Variants in H2AZ2 observed in about 807,000 individuals in gnomAD.
The protein encoded by H2AZ2 is H2A.Z variant histone 2, also known as histone H2A.V.
In H2AZ2, 5 loss-of-function variants were observed where a neutral mutation model predicts 15.5. The ratio of observed to expected loss-of-function variants is 0.32; its 90% CI spans 0.17 to 0.68. The LOEUF is 0.68. H2AZ2 is among the 30% of genes least tolerant of loss of function. The pLI, the probability that H2AZ2 is intolerant of heterozygous loss-of-function variation, is 0.72. For synonymous variants in H2AZ2, 44 were observed against 57.4 expected (o/e 0.77, Z 1.05); for missense variants, 42 against 162.5 (o/e 0.26, Z 4.03).
At chr7:44,831,544 CT>C (rs1170228369), downstream of H2AZ2, among the ~76,000 whole-genome samples, 2 of 144,104 alleles carry the variant, frequency 1.4e-5, no homozygotes. Flanking sequence ...CCCCCCGCTT[CT>C]TTTTTTTCAA....
At chr7:44,847,864 A>G in intron 1 of H2AZ2, 105 bp downstream of exon 1, 2 of 1,476,294 alleles carry the variant, frequency 1.4e-6, no homozygotes, top group African/African-American at 1.5e-5. Context: ...GACGAAGCCC[A>G]GACACCCGCA....
chr7:44,843,029 T>C (rs1313830834), intron 2 of H2AZ2, among the ~76,000 whole-genome samples: 1 of 150,244 alleles, frequency 6.7e-6, no homozygotes, highest in Non-Finnish European at 1.5e-5. Flanking sequence ...GTCCCAGCTA[T>C]GTGGGAGCCT....
At chr7:44,830,011 T>A, downstream of H2AZ2, 1 of 700,898 alleles carries the variant, frequency 1.4e-6, no homozygotes, top group Non-Finnish European at 2.4e-6. Flanking sequence ...AATTCACGTA[T>A]CTGAGAAGCA....
Position 44,834,510 on chromosome 7 carries a change from T to C in H2AZ2, c.378A>G (p.Lys126=). 1 of 1,610,568 alleles carries C rather than the reference T, an allele frequency of 6.2e-7. No homozygotes were observed. Among genetic ancestry groups the C allele is most frequent in the Non-Finnish European group, 8.5e-7 (1 of 1,178,814 alleles). Reference sequence around the variant, plus strand: ...TGGTTAAAGCATCCCTCTAAGCAGTTTTCTGCTGTCCCTTCTTTCCAATCA... The same window carrying C: ...TGGTTAAAGCATCCCTCTAAGCAGTCTTCTGCTGTCCCTTCTTTCCAATCA... ...KSLIGKKGQQ[K]TA Residue 126 remains lysine (K), a synonymous_variant, in exon 5 of 5, where the codon AAA becomes AAG. Coordinates refer to ENST00000308153, the MANE Select transcript of H2AZ2 (RefSeq NM_012412.5).
Position 44,848,034 on chromosome 7 carries a change from C to A in H2AZ2, c.-63G>T, listed in dbSNP as rs1793461669. The A allele has an allele frequency of 2.7e-6, 3 of 1,115,002 alleles. No homozygotes were observed. The highest frequency in any genetic ancestry group is 2.3e-6 in the Non-Finnish European group (2 of 873,168). 69.1% of individuals were successfully genotyped at this position (1,115,002 alleles called of 1,614,324 possible). A position where few individuals can be genotyped will look rare whatever the true frequency, so the allele number is the denominator to read the frequency against. ...CCCTCCCGCTGCCGACCCGCGCCGC[C>A]GCCGCCGCTCTCGCAGCACCGACCG... On this transcript the variant is annotated 5_prime_UTR_variant, in exon 1 of 5. Transcript: ENST00000308153.
chr7:44,841,939 T>G (rs1793285127), intron 2 of H2AZ2, among the ~76,000 whole-genome samples: 2 of 152,262 alleles, frequency 1.3e-5, no homozygotes, highest in Non-Finnish European at 2.9e-5. Context: ...TTCCAAAGAC[T>G]GAATTGAAAA....
chr7:44,838,316 A>G (rs553886390), intron 3 of H2AZ2, among the ~76,000 whole-genome samples: 9 of 151,886 alleles, frequency 5.9e-5, no homozygotes, highest in Admixed American at 1.3e-4. Context: ...TTTAAAATGT[A>G]TTTTAATTAA....
Position 44,833,394 on chromosome 7 carries a change from G to A in H2AZ2, c.*1107C>T, listed in dbSNP as rs866378045. Reference sequence around the variant, plus strand: ...ACTACAGGCGCGTGCCACCACACCCGGCTAATTTTTTGTATTTTTTTAAAT... The same window carrying A: ...ACTACAGGCGCGTGCCACCACACCCAGCTAATTTTTTGTATTTTTTTAAAT... On this transcript the variant is annotated 3_prime_UTR_variant, in exon 5 of 5. Coordinates refer to ENST00000308153, the MANE Select transcript of H2AZ2 (RefSeq NM_012412.5). Among the ~76,000 whole-genome samples, 3 of 151,746 alleles carry A rather than the reference G, an allele frequency of 2.0e-5. No homozygotes were observed. The highest frequency in any genetic ancestry group is 7.3e-5 in the African/African-American group (3 of 41,110).
chr7:44,838,865 CAAGT>C (rs1258290824), intron 3 of H2AZ2, among the ~76,000 whole-genome samples: 5 of 152,318 alleles, frequency 3.3e-5, no homozygotes, highest in South Asian at 2.1e-4. Flanking sequence ...CACATCTCCC[CAAGT>C]AAGACCCTTC....
At chr7:44,828,979 G>C (rs967903168), downstream of H2AZ2, 10 of 152,220 alleles carry the variant, frequency 6.6e-5, no homozygotes, top group Admixed American at 3.3e-4. Flanking sequence ...ATTTTTAAGG[G>C]TTCATGTAAT....
downstream of H2AZ2, chr7:44,827,151 T>C (rs1012862018): frequency 1.3e-5 from 2 of 152,234 alleles, no homozygotes; most frequent in African/African-American, 4.8e-5. Context: ...CTATTATACA[T>C]GAATGCAGAC....
chr7:44,834,942 C>A (rs1308974153), intron 4 of H2AZ2: 1 of 166,630 alleles, frequency 6.0e-6, no homozygotes, highest in East Asian at 1.7e-4. Flanking sequence ...ACCACCACGC[C>A]CAGCTAATTT....
chr7:44,827,886 A>AT, downstream of H2AZ2: 1 of 152,192 alleles, frequency 6.6e-6, no homozygotes, highest in Non-Finnish European at 1.5e-5. Flanking sequence ...CGAAACGTTC[A>AT]TTCTGATTTC....
At position 44,840,002 on chromosome 7, in the gene H2AZ2, AAAATAAATAAATAAAT is replaced by A. The variant is rs149563809; in HGVS notation, c.195+881_195+896del. 6.8e-4 allele frequency among the ~76,000 whole-genome samples: 97 copies of A among 142,042 alleles called. 1 individual carries two copies. The South Asian group carries it at 0.014, about 20-fold the overall frequency. The allele number at this position is 142,042 out of a possible 152,430, so 93.2% of individuals were successfully genotyped here. On this transcript the variant is annotated intron_variant, in intron 3 of 4. Coordinates refer to ENST00000308153, the MANE Select transcript of H2AZ2 (RefSeq NM_012412.5). ...GGGATACAGAGCAAGACCCTGTCTC[AAAATAAATAAATAAAT>A]AAATAAATAAATAAATAAATAAATA...
rs949609569 is a variant in H2AZ2 at position 44,833,049 on chromosome 7, T to C, written c.*1452A>G. ...TGCATGACTAAGAGACTACTAAAAG[T>C]TGGGATTTTTTTTTTTGAGACAGAG... On this transcript the variant is annotated 3_prime_UTR_variant, in exon 5 of 5. Coordinates refer to ENST00000308153, the MANE Select transcript of H2AZ2 (RefSeq NM_012412.5). Among the ~76,000 whole-genome samples the C allele has an allele frequency of 2.0e-5, 3 of 151,950 alleles. No individual in the cohort carries two copies. Among genetic ancestry groups the C allele is most frequent in the Non-Finnish European group, 4.4e-5 (3 of 67,996 alleles).
intron 3 of H2AZ2, among the ~76,000 whole-genome samples, chr7:44,838,358 AGGTGG>A (rs1793184405): frequency 6.6e-6 from 1 of 151,916 alleles, no homozygotes; most frequent in South Asian, 2.1e-4. Context: ...AAAAGAGGCC[AGGTGG>A]CCTCTTTTAA....
rs921980121 is a variant in H2AZ2 at position 44,833,960 on chromosome 7, T to TTATA, written c.*540_*541insTATA. The stretch of plus-strand genomic sequence containing the variant: ...TCAGTCATAAATGCATACTTTTCTA[T>TTATA]AATCTAACATCTCTCAAATTGGGAT... On this transcript the variant is annotated 3_prime_UTR_variant, in exon 5 of 5. Coordinates refer to ENST00000308153, the MANE Select transcript of H2AZ2 (RefSeq NM_012412.5). The TTATA allele has an allele frequency of 5.5e-6, 1 of 180,504 alleles. No individual in the cohort carries two copies. The highest frequency in any genetic ancestry group is 2.4e-5 in the African/African-American group (1 of 41,894). The allele number at this position is 180,504 out of a possible 1,614,324, so 11.2% of individuals were successfully genotyped here.
At chr7:44,844,468 C>T (rs1224972361) in intron 1 of H2AZ2, among the ~76,000 whole-genome samples, 2 of 152,182 alleles carry the variant, frequency 1.3e-5, no homozygotes, top group Non-Finnish European at 2.9e-5. Flanking sequence ...ATTCTCCTGC[C>T]TCAGCCTCCT....
intron 1 of H2AZ2, among the ~76,000 whole-genome samples, chr7:44,844,830 T>C (rs968029487): frequency 2.0e-5 from 3 of 152,194 alleles, no homozygotes; most frequent in African/African-American, 7.2e-5. Flanking sequence ...AGCTTTTAAG[T>C]AAATATGGGG....
Sources: allele counts gnomAD v4.1 joint callset (sites outside exome capture counted in the v4.1 genomes callset), GRCh38; gene constraint gnomAD v4.1.1; transcripts MANE v1.5; gene names NCBI Gene and HGNC (gene_info 2026-07-23, HGNC 2026-07-21).